RPS6KA2: variants seen among roughly 807,000 people sequenced by gnomAD.
The protein encoded by RPS6KA2 is ribosomal protein S6 kinase A2.
Under a neutral mutation model 91.8 loss-of-function variants are expected in RPS6KA2, and 42 were observed. That is an observed-to-expected ratio of 0.46 (90% CI 0.36 to 0.59). The LOEUF (loss-of-function observed/expected upper bound fraction) is 0.59, where lower values mean the gene tolerates loss of function less well. RPS6KA2 is among the 20% of genes least tolerant of loss of function. RPS6KA2 has a pLI of 0.00. For synonymous variants in RPS6KA2, 414 were observed against 393.6 expected (o/e 1.05, Z -0.61); for missense variants, 798 against 978.5 (o/e 0.82, Z 2.46).
At position 166,783,092 on chromosome 6, in the gene RPS6KA2, A is replaced by G. The variant is rs1414908718; in HGVS notation, c.123+75108T>C. On this transcript the variant is annotated intron_variant, in intron 2 of 21. Transcript: ENST00000503859. Reference sequence around the variant, plus strand: ...TATTATTATTATTATTATTATTATTATTATTATTGTTTTTGAGACAGGGCC... The same window carrying G: ...TATTATTATTATTATTATTATTATTGTTATTATTGTTTTTGAGACAGGGCC... Among the ~76,000 whole-genome samples the G allele has an allele frequency of 2.8e-4, 18 of 64,112 alleles. 1 individual carries two copies. The highest frequency in any genetic ancestry group is 6.1e-4 in the South Asian group (1 of 1,628). The allele number at this position is 64,112 out of a possible 152,430, so 42.1% of individuals were successfully genotyped here. A position where few individuals can be genotyped will look rare whatever the true frequency, so the allele number is the denominator to read the frequency against.
intron 2 of RPS6KA2, among the ~76,000 whole-genome samples, chr6:166,684,119 GT>G (rs1788928873): frequency 6.6e-6 from 1 of 152,192 alleles, no homozygotes; most frequent in Non-Finnish European, 1.5e-5. Context: ...CCCCAGTGAG[GT>G]AGGAGACGGG....
At chr6:166,424,111 A>T (rs981220260) in intron 16 of RPS6KA2, 1 of 152,226 alleles carries the variant, frequency 6.6e-6, no homozygotes, top group African/African-American at 2.4e-5. Context: ...TGAACATCTC[A>T]ATTGTCCTAA....
chr6:166,590,516 A>C (rs1181247270), intron 1 of RPS6KA2, among the ~76,000 whole-genome samples: 1 of 152,196 alleles, frequency 6.6e-6, no homozygotes, highest in Admixed American at 6.5e-5. Flanking sequence ...GAATCCAGAC[A>C]TGCAGCAGCA....
chr6:166,451,225 C>A lies in RPS6KA2; in HGVS notation c.1084G>T (p.Gly362Cys). 1 of 1,613,706 alleles carries A rather than the reference C, an allele frequency of 6.2e-7. No individual in the cohort carries two copies. Among genetic ancestry groups the A allele is most frequent in the Non-Finnish European group, 8.5e-7 (1 of 1,179,884 alleles). ...TGAGCGTTTGCACTCGGGGGGACGC[C>A]AGGAGAGTCTGTAGGTGACAGGGGC... ...FTARTPTDSP[G>C]VPPSANAHHL... The change falls in exon 13 of 21, where the codon GGC (glycine) becomes TGC (cysteine). Residue 362 changes from glycine (G) to cysteine (C), a missense_variant. Transcript: ENST00000265678.
intron 2 of RPS6KA2, among the ~76,000 whole-genome samples, chr6:166,795,322 T>C (rs1185228662): frequency 6.6e-6 from 1 of 152,104 alleles, no homozygotes; most frequent in Non-Finnish European, 1.5e-5. Context: ...ATCATTATAA[T>C]AGAAAAAAGA....
intron 5 of RPS6KA2, among the ~76,000 whole-genome samples, chr6:166,506,819 T>C (rs779796231): frequency 1.3e-5 from 2 of 152,124 alleles, no homozygotes; most frequent in Non-Finnish European, 2.9e-5. Context: ...AAGGCCACTG[T>C]TGCTGTGAAA....
At position 166,493,102 on chromosome 6, in the gene RPS6KA2, C is replaced by T. The variant is rs1335618953; in HGVS notation, c.748-2361G>A. On this transcript the variant is annotated intron_variant, in intron 8 of 20. Transcript: ENST00000265678. This position sits in a 1 kb window ranked among gnomAD's most constrained non-coding sequence, Gnocchi z 4.7. ...GGTCCACTGCTTTGTGGTTCTCTCT[C>T]TTCCTCCCCTTCTTCCTCCATCCAT... Among the ~76,000 whole-genome samples, 5 of 152,076 alleles carry T rather than the reference C, an allele frequency of 3.3e-5. No individual in the cohort carries two copies. Among genetic ancestry groups the T allele is most frequent in the African/African-American group, 1.2e-4 (5 of 41,414 alleles).
intron 2 of RPS6KA2, among the ~76,000 whole-genome samples, chr6:166,850,204 A>AT (rs36016573): frequency 7.2e-5 from 11 of 151,986 alleles, no homozygotes; most frequent in East Asian, 3.9e-4. Flanking sequence ...GGGTACAAGG[A>AT]TTTTTTTTCC....
At chr6:166,515,489 A>G (rs1233569919) in intron 3 of RPS6KA2, among the ~76,000 whole-genome samples, 3 of 152,206 alleles carry the variant, frequency 2.0e-5, no homozygotes, top group Non-Finnish European at 2.9e-5. Context: ...TAAAAAGAAG[A>G]GAGCTTGTTT....
chr6:166,688,261 C>A (rs967582564), intron 2 of RPS6KA2, among the ~76,000 whole-genome samples: 1 of 152,096 alleles, frequency 6.6e-6, no homozygotes, highest in African/African-American at 2.4e-5. Context: ...CACTAAAGCT[C>A]GTGTGTGGTG....
intron 2 of RPS6KA2, among the ~76,000 whole-genome samples, chr6:166,644,784 G>T (rs891073294): frequency 6.6e-6 from 1 of 152,158 alleles, no homozygotes; most frequent in Non-Finnish European, 1.5e-5. Context: ...TTGGAAATAG[G>T]GTCTTTGCAA....
At position 166,423,240 on chromosome 6, in the gene RPS6KA2, G is replaced by A; in HGVS notation, c.1743+16C>T. 22 of 1,599,800 alleles carry A rather than the reference G, an allele frequency of 1.4e-5. No homozygotes were observed. The highest frequency in any genetic ancestry group is 1.9e-5 in the Non-Finnish European group (22 of 1,169,790). ...GCGGATAGAGAGGCCTGGGTCTGCA[G>A]TCGGGGAATGCTCACCTCCGGGGCC... On this transcript the variant is annotated intron_variant, in intron 17 of 20. Coordinates refer to ENST00000265678, the MANE Select transcript of RPS6KA2 (RefSeq NM_021135.6). This position sits in a 1 kb window ranked among gnomAD's most constrained non-coding sequence, Gnocchi z 4.8.
At chr6:166,725,584 T>C (rs1429497218) in intron 2 of RPS6KA2, among the ~76,000 whole-genome samples, 1 of 149,872 alleles carries the variant, frequency 6.7e-6, no homozygotes, top group Non-Finnish European at 1.5e-5. Context: ...CGAAGGGAGG[T>C]GGAGGAGGTG....
At chr6:166,476,574 T>C (rs1213672572) in intron 10 of RPS6KA2, among the ~76,000 whole-genome samples, 1 of 152,180 alleles carries the variant, frequency 6.6e-6, no homozygotes, top group African/African-American at 2.4e-5. Context: ...CGGAACTGTC[T>C]GGAAATCCAG....
rs3066214 is a variant in RPS6KA2 at position 166,480,479 on chromosome 6, TTATATATATATATA to T, written c.907+8340_907+8353del. Reference sequence around the variant, plus strand: ...TCTTATATTCCTTAAGATTGTGATTTTATATATATATATATATATATATATATATATATATAATA... The same window carrying T: ...TCTTATATTCCTTAAGATTGTGATTTTATATATATATATATATATATAATA... On this transcript the variant is annotated intron_variant, in intron 10 of 20. Transcript: ENST00000265678. 4.3e-4 allele frequency among the ~76,000 whole-genome samples: 43 copies of T among 99,838 alleles called. 2 individuals carry two copies. Among genetic ancestry groups the T allele is most frequent in the Non-Finnish European group, 4.2e-4 (23 of 54,314 alleles). 65.5% of individuals were successfully genotyped at this position (99,838 alleles called of 152,430 possible). A position where few individuals can be genotyped will look rare whatever the true frequency, so the allele number is the denominator to read the frequency against.
intron 2 of RPS6KA2, among the ~76,000 whole-genome samples, chr6:166,749,741 T>A (rs567760035): frequency 1.0e-4 from 5 of 48,890 alleles, no homozygotes; most frequent in East Asian, 9.2e-4. Context: ...CTTGGGCCCC[T>A]CTTCCTCAGG....
At chr6:166,591,331 G>A (rs113057705) in intron 1 of RPS6KA2, among the ~76,000 whole-genome samples, 3 of 152,346 alleles carry the variant, frequency 2.0e-5, no homozygotes, top group Admixed American at 6.5e-5. Context: ...CAGTGTGGCT[G>A]CTTCCGTCCA....
intron 10 of RPS6KA2, among the ~76,000 whole-genome samples, chr6:166,484,128 T>G (rs1054728697): frequency 1.3e-5 from 2 of 152,200 alleles, no homozygotes; most frequent in East Asian, 3.8e-4. Context: ...TGGATAGAGA[T>G]GAAGCAGGAG....
chr6:166,502,465 C>G (rs1045637384), intron 6 of RPS6KA2, among the ~76,000 whole-genome samples: 3 of 152,208 alleles, frequency 2.0e-5, no homozygotes, highest in African/African-American at 7.2e-5. Context: ...TTAAATAAGG[C>G]TATTTTTAGC....
Sources: allele counts gnomAD v4.1 joint callset (sites outside exome capture counted in the v4.1 genomes callset), GRCh38; gene constraint gnomAD v4.1.1; non-coding constraint Gnocchi (gnomAD v3.1); transcripts MANE v1.5; gene names NCBI Gene and HGNC (gene_info 2026-07-23, HGNC 2026-07-21).